The following SYAP1 variants were observed in gnomAD, a reference collection of about 807,000 sequenced individuals.
The protein encoded by SYAP1 is synapse-associated protein 1.
A neutral mutation model predicts 29.6 loss-of-function variants in SYAP1; 3 were observed. The observed-to-expected ratio is 0.10, with a 90% CI of 0.05 to 0.26. The LOEUF is 0.26. Ranked by LOEUF, SYAP1 falls within the 10% of genes least tolerant of loss-of-function variation. The pLI, the probability that SYAP1 is intolerant of heterozygous loss-of-function variation, is 1.00. For missense variants in SYAP1, 217 were observed against 264.1 expected (o/e 0.82, Z 1.24); for synonymous variants, 102 against 102.7 (o/e 0.99, Z 0.04).
chrX:16,723,443 A>C (rs1013597557), intron 1 of SYAP1, among the ~76,000 whole-genome samples: 10 of 111,856 alleles, frequency 8.9e-5, no homozygotes, highest in Non-Finnish European at 1.9e-4. Flanking sequence ...GATGTTCCTT[A>C]TGAGGATAGA....
At chrX:16,752,836 C>T (rs1926765327) in intron 5 of SYAP1, among the ~76,000 whole-genome samples, 1 of 111,380 alleles carries the variant, frequency 9.0e-6, no homozygotes, top group Non-Finnish European at 1.9e-5. Flanking sequence ...AATGTAATTA[C>T]TATTTTGCTG....
At chrX:16,757,828 ACC>A (rs1926883304) in intron 8 of SYAP1, among the ~76,000 whole-genome samples, 1 of 109,103 alleles carries the variant, frequency 9.2e-6, no homozygotes, top group African/African-American at 3.3e-5. Context: ...AATCACTTGA[ACC>A]CGGGAGGCGG....
chrX:16,730,022 A>G (rs978991124), intron 1 of SYAP1, among the ~76,000 whole-genome samples: 2 of 111,723 alleles, frequency 1.8e-5, no homozygotes, highest in African/African-American at 6.5e-5. Flanking sequence ...TTCCTTGTAA[A>G]TATGCTTTTT....
At chrX:16,731,233 T>A (rs1926198479) in intron 1 of SYAP1, among the ~76,000 whole-genome samples, 1 of 112,328 alleles carries the variant, frequency 8.9e-6, no homozygotes, top group South Asian at 3.6e-4. Context: ...TAATGAAATA[T>A]CTGTTATTTA....
chrX:16,742,866 A>C (rs750665260), intron 4 of SYAP1, among the ~76,000 whole-genome samples: 2 of 107,000 alleles, frequency 1.9e-5, no homozygotes, highest in East Asian at 6.1e-4. Context: ...CCTCTTGCCC[A>C]ACTTCCCAAA....
At chrX:16,754,845 C>T (rs1003635486) in intron 5 of SYAP1, 100 bp from the exon 6 acceptor site, 3 of 861,810 alleles carry the variant, frequency 3.5e-6, no homozygotes, top group East Asian at 3.1e-5. Context: ...CCTGCGTGCA[C>T]TTGTCTGTGT....
chrX:16,742,931 T>C (rs1271937685), intron 4 of SYAP1, among the ~76,000 whole-genome samples: 1 of 104,269 alleles, frequency 9.6e-6, no homozygotes, highest in Non-Finnish European at 2.0e-5. Flanking sequence ...TTTTTTTTTT[T>C]TTTTTTTTTT....
chrX:16,736,962 C>T (rs1315242360), intron 3 of SYAP1, among the ~76,000 whole-genome samples: 2 of 111,425 alleles, frequency 1.8e-5, no homozygotes, highest in African/African-American at 6.5e-5. Context: ...GACAGAGGGC[C>T]GTAAAGAGTC....
Position 16,719,636 on chromosome X carries a change from C to T in SYAP1, c.-89C>T, listed in dbSNP as rs1205831907. 1.1e-5 allele frequency: 12 copies of T among 1,052,112 alleles called. No individual in the cohort carries two copies. The highest frequency in any genetic ancestry group is 4.5e-5 in the South Asian group (2 of 44,330). The allele number at this position is 1,052,112 out of a possible 1,213,427, so 86.7% of individuals were successfully genotyped here. ...TGTTCCTCCGACTTCCGGACATCTCCCTGGGAGTCGCGCAGAGTGGAGTCA... is the reference window on the plus strand; with the variant it reads ...TGTTCCTCCGACTTCCGGACATCTCTCTGGGAGTCGCGCAGAGTGGAGTCA... On this transcript the variant is annotated 5_prime_UTR_variant, in exon 1 of 9. Coordinates refer to ENST00000380155, the MANE Select transcript of SYAP1 (RefSeq NM_032796.4).
chrX:16,753,244 CAAA>C (rs770811287), intron 5 of SYAP1, among the ~76,000 whole-genome samples: 4 of 41,392 alleles, frequency 9.7e-5, no homozygotes. Flanking sequence ...GACTCCGTCT[CAAA>C]AAAAAAAAAA....
intron 5 of SYAP1, among the ~76,000 whole-genome samples, chrX:16,749,866 G>A (rs771133559): frequency 1.9e-5 from 2 of 103,429 alleles, no homozygotes; most frequent in South Asian, 9.1e-4. Context: ...AGCCGAGATT[G>A]TGCCACTGCA....
intron 4 of SYAP1, 30 bp downstream of exon 4, chrX:16,741,819 C>T (rs758200796): frequency 3.0e-6 from 3 of 1,016,051 alleles, no homozygotes; most frequent in Non-Finnish European, 4.1e-6. Flanking sequence ...CCAGATAGAA[C>T]ATACTTTCTT....
intron 1 of SYAP1, among the ~76,000 whole-genome samples, chrX:16,731,698 G>T (rs1926208239): frequency 8.9e-6 from 1 of 111,888 alleles, no homozygotes; most frequent in African/African-American, 3.3e-5. Context: ...CCAGCACTTT[G>T]GGAGGCTGAG....
intron 7 of SYAP1, 71 bp downstream of exon 7, chrX:16,756,792 T>TA: frequency 9.9e-7 from 1 of 1,010,713 alleles, no homozygotes; most frequent in Non-Finnish European, 1.4e-6. Flanking sequence ...CTCTTTCTGA[T>TA]ACCATTTAAA....
chrX:16,728,210 C>A (rs985208251), intron 1 of SYAP1, among the ~76,000 whole-genome samples: 1 of 111,192 alleles, frequency 9.0e-6, no homozygotes, highest in African/African-American at 3.3e-5. Flanking sequence ...TCAGTTCATG[C>A]AGTTAATTAC....
rs1926998479 is a variant in SYAP1, at chrX:16,762,137, G to GT, written c.*1781dup. On this transcript the variant is annotated 3_prime_UTR_variant, in exon 9 of 9. Transcript: ENST00000380155. ...TGAAATAATCTCATTGAAGGAAAGA[G>GT]TTTCATTTTTTTTTTAAAAGAGTTT... The GT allele has an allele frequency of 8.9e-6, 1 of 112,030 alleles. No individual in the cohort carries two copies. The highest frequency in any genetic ancestry group is 3.7e-4 in the South Asian group (1 of 2,729). The allele number at this position is 112,030 out of a possible 1,213,427, so 9.2% of individuals were successfully genotyped here. A position where few individuals can be genotyped will look rare whatever the true frequency, so the allele number is the denominator to read the frequency against.
chrX:16,735,098 G>A (rs1926302057), intron 1 of SYAP1, 129 bp from the exon 2 acceptor site: 2 of 376,148 alleles, frequency 5.3e-6, no homozygotes, highest in South Asian at 7.0e-5. Flanking sequence ...ATCACTGTCA[G>A]TGCTTCTCAT....
Position 16,735,256 on chromosome X carries a change from A to G in SYAP1, c.205A>G (p.Thr69Ala). 8.3e-7 allele frequency: 1 copy of G among 1,199,365 alleles called. No individual in the cohort carries two copies. The highest frequency in any genetic ancestry group is 1.8e-5 in the South Asian group (1 of 54,980). ...NYLFNFASAA[T>A]KKITESVAET... ...TTTATTTAACTTTGCATCTGCTGCC[A>G]CAAAAAAGATAACTGAATCAGTTGC... is the stretch of plus-strand genomic sequence containing the variant. Residue 69 changes from threonine to alanine, a missense_variant, in exon 2 of 9, where the codon ACA becomes GCA. Physicochemically the swap from Thr to Ala is moderately conservative, Grantham distance 58 (BLOSUM62 0). Coordinates refer to ENST00000380155, the MANE Select transcript of SYAP1 (RefSeq NM_032796.4).
chrX:16,733,621 A>G (rs1402755745), intron 1 of SYAP1, among the ~76,000 whole-genome samples: 2 of 110,252 alleles, frequency 1.8e-5, no homozygotes, highest in Non-Finnish European at 3.8e-5. Flanking sequence ...AGCAGCCTGG[A>G]TTCTGTAGGA....
Sources: gnomAD v4.1 joint callset for allele counts (sites outside exome capture counted in the v4.1 genomes callset) on GRCh38, gnomAD v4.1.1 for gene constraint, MANE v1.5 for transcripts, NCBI Gene and HGNC (gene_info 2026-07-23, HGNC 2026-07-21) for gene names.